PRKCA: variants seen among roughly 807,000 people sequenced by gnomAD.
The protein encoded by PRKCA is protein kinase C alpha.
Under a neutral mutation model 87.0 loss-of-function variants are expected in PRKCA, and 27 were observed. The observed-to-expected ratio is 0.31, with a 90% CI of 0.23 to 0.43. The LOEUF is 0.43. PRKCA is among the 20% of genes least tolerant of loss of function. The pLI is 1.00. For synonymous variants in PRKCA, 329 were observed against 311.1 expected, an observed-to-expected ratio of 1.06 and a Z score of -0.61; for missense variants, 518 against 852.3, an observed-to-expected ratio of 0.61 and a Z score of 4.88.
chr17:66,798,389 GTGGTGGTGGTGGTGGTGATGGTGA>G (rs1568040620), intron 16 of PRKCA, among the ~76,000 whole-genome samples: 4 of 105,910 alleles, frequency 3.8e-5, no homozygotes, highest in Non-Finnish European at 5.5e-5. Flanking sequence ...GGTGGTGGTG[GTGGTGGTGGTGGTGGTGATGGTGA>G]TGGTGGTGGT....
chr17:66,419,713 A>G (rs924947031), intron 2 of PRKCA, among the ~76,000 whole-genome samples: 2 of 152,160 alleles, frequency 1.3e-5, no homozygotes, highest in African/African-American at 4.8e-5. Flanking sequence ...ACGGCACAAC[A>G]CAATCTTGAG....
intron 8 of PRKCA, among the ~76,000 whole-genome samples, chr17:66,713,299 C>G (rs1160085557): frequency 6.6e-6 from 1 of 152,076 alleles, no homozygotes; most frequent in Non-Finnish European, 1.5e-5. Flanking sequence ...ATCTGCCTGC[C>G]TCGGCCTCCC....
chr17:66,325,673 A>G (rs1905937830), intron 2 of PRKCA, among the ~76,000 whole-genome samples: 1 of 152,158 alleles, frequency 6.6e-6, no homozygotes, highest in Admixed American at 6.5e-5. Context: ...ACCCTTTGAG[A>G]ACAGGGTGTA....
chr17:66,608,860 T>G (rs1210227277), intron 3 of PRKCA, among the ~76,000 whole-genome samples: 1 of 152,224 alleles, frequency 6.6e-6, no homozygotes, highest in Non-Finnish European at 1.5e-5. Flanking sequence ...TGCATGTATT[T>G]GAAATTTTCC....
At chr17:66,679,801 A>G (rs1972440437) in intron 5 of PRKCA, among the ~76,000 whole-genome samples, 1 of 152,166 alleles carries the variant, frequency 6.6e-6, no homozygotes, top group Non-Finnish European at 1.5e-5. Context: ...ATACATCAGC[A>G]AGCGAAAGTG....
intron 2 of PRKCA, among the ~76,000 whole-genome samples, chr17:66,393,641 CGT>C (rs111480827): frequency 0.023 from 3,376 of 148,080 alleles, 117 homozygotes; most frequent in African/African-American, 0.077. Context: ...TGTGTGTGCA[CGT>C]GTGTGTGTGT....
intron 3 of PRKCA, among the ~76,000 whole-genome samples, chr17:66,505,895 T>C (rs2144149142): frequency 6.6e-6 from 1 of 152,354 alleles, no homozygotes; most frequent in Non-Finnish European, 1.5e-5. Flanking sequence ...AGACTTGCTA[T>C]GTTGCCCAGG....
intron 3 of PRKCA, among the ~76,000 whole-genome samples, chr17:66,611,831 T>C (rs1277646132): frequency 6.6e-6 from 1 of 152,202 alleles, no homozygotes; most frequent in South Asian, 2.1e-4. Flanking sequence ...CCAACATTCA[T>C]AGTTACAGAT....
chr17:66,313,880 T>C (rs565474739), intron 2 of PRKCA, among the ~76,000 whole-genome samples: 2 of 152,378 alleles, frequency 1.3e-5, no homozygotes, highest in African/African-American at 2.4e-5. Context: ...GCTGTGATTA[T>C]GTTTATCATC....
chr17:66,523,108 C>T (rs1390707088), intron 3 of PRKCA, among the ~76,000 whole-genome samples: 2 of 152,094 alleles, frequency 1.3e-5, no homozygotes, highest in African/African-American at 4.8e-5. Flanking sequence ...GCCTGAGTCA[C>T]CTGGTAGAGG....
intron 8 of PRKCA, among the ~76,000 whole-genome samples, chr17:66,707,689 G>T (rs1381856422): frequency 6.6e-6 from 1 of 152,140 alleles, no homozygotes; most frequent in Non-Finnish European, 1.5e-5. Context: ...ACAGAACCTT[G>T]CTCTTGGGAA....
intron 3 of PRKCA, among the ~76,000 whole-genome samples, chr17:66,572,758 A>G (rs1969118400): frequency 6.6e-6 from 1 of 152,060 alleles, no homozygotes; most frequent in Non-Finnish European, 1.5e-5. Context: ...TGGCCTCCTA[A>G]AGTCCTGGGT....
At chr17:66,802,392 G>A (rs368977657) in intron 16 of PRKCA, among the ~76,000 whole-genome samples, 1 of 152,258 alleles carries the variant, frequency 6.6e-6, no homozygotes, top group Non-Finnish European at 1.5e-5. Context: ...GGGCGTGGTG[G>A]CTCATGCCTG....
chr17:66,359,763 C>T (rs898301904), intron 2 of PRKCA, among the ~76,000 whole-genome samples: 1 of 152,160 alleles, frequency 6.6e-6, no homozygotes, highest in African/African-American at 2.4e-5. Context: ...TTAGGCTTCT[C>T]TCAAGTATGT....
At chr17:66,627,164 C>A (rs1970880544) in intron 3 of PRKCA, among the ~76,000 whole-genome samples, 1 of 152,124 alleles carries the variant, frequency 6.6e-6, no homozygotes, top group Non-Finnish European at 1.5e-5. Context: ...AAAAAACAAC[C>A]CAGAAAGGTG....
intron 2 of PRKCA, among the ~76,000 whole-genome samples, chr17:66,429,690 C>T (rs911293982): frequency 6.6e-6 from 1 of 152,154 alleles, no homozygotes; most frequent in Non-Finnish European, 1.5e-5. Context: ...GGTTCCTTCT[C>T]TCCTCACTGC....
intron 2 of PRKCA, among the ~76,000 whole-genome samples, chr17:66,384,636 T>C (rs1012987175): frequency 6.7e-6 from 1 of 150,098 alleles, no homozygotes; most frequent in Non-Finnish European, 1.5e-5. Context: ...TTAAATGACT[T>C]TTTTTTTTTT....
rs956685355 is a variant in PRKCA at position 66,807,017 on chromosome 17, T to C, written c.*2980T>C. ...TGGAAGACTGTCATGTAGATAACCA[T>C]GAGCAATGGCTCGCCTCAGAATCAG... On this transcript the variant is annotated 3_prime_UTR_variant, in exon 17 of 17. Coordinates refer to ENST00000413366, the MANE Select transcript of PRKCA (RefSeq NM_002737.3). This position sits in a 1 kb window ranked among gnomAD's most constrained non-coding sequence, Gnocchi z 4.3. 1 of 152,286 alleles carries C rather than the reference T, an allele frequency of 6.6e-6. No homozygotes were observed. Among genetic ancestry groups the C allele is most frequent in the Non-Finnish European group, 1.5e-5 (1 of 68,086 alleles). 9.4% of individuals were successfully genotyped at this position (152,286 alleles called of 1,614,324 possible). A position where few individuals can be genotyped will look rare whatever the true frequency, so the allele number is the denominator to read the frequency against.
At chr17:66,327,864 G>A (rs1012793406) in intron 2 of PRKCA, among the ~76,000 whole-genome samples, 1 of 152,152 alleles carries the variant, frequency 6.6e-6, no homozygotes, top group African/African-American at 2.4e-5. Flanking sequence ...GGTGCCTGAT[G>A]CTGGAGATAC....
Sources: gnomAD v4.1 joint callset for allele counts (sites outside exome capture counted in the v4.1 genomes callset) on GRCh38, gnomAD v4.1.1 for gene constraint, Gnocchi (gnomAD v3.1) non-coding constraint, MANE v1.5 for transcripts, NCBI Gene and HGNC (gene_info 2026-07-23, HGNC 2026-07-21) for gene names.